NAALADL1: variants seen among roughly 807,000 people sequenced by gnomAD.
NAALADL1 encodes the protein N-acetylated alpha-linked acidic dipeptidase like 1.
In NAALADL1, 77 loss-of-function variants were observed where a neutral mutation model predicts 82.8. The ratio of observed to expected loss-of-function variants is 0.93; its 90% CI spans 0.77 to 1.12. NAALADL1 has a LOEUF of 1.12. NAALADL1 is among the 50% of genes most tolerant of loss of function. NAALADL1 has a pLI of 0.00. For synonymous variants in NAALADL1, 358 were observed against 399.2 expected, an observed-to-expected ratio of 0.90 and a Z score of 1.23; for missense variants, 956 against 964.0, an observed-to-expected ratio of 0.99 and a Z score of 0.11.
chr11:65,053,458 G>A lies in NAALADL1; in HGVS notation c.1078+33C>T. 3 of 1,613,218 alleles carry A rather than the reference G, an allele frequency of 1.9e-6. No individual in the cohort carries two copies. The highest frequency in any genetic ancestry group is 2.5e-6 in the Non-Finnish European group (3 of 1,179,412). ...CAGCGGCATCCAGAGCAGAGCAGGG[G>A]CCTGGGGTGCAGGCAGCAAGAGGAG... On this transcript the variant is annotated intron_variant, in intron 7 of 17. Coordinates refer to ENST00000358658, the MANE Select transcript of NAALADL1 (RefSeq NM_005468.3). The surrounding 1 kb of genome is among the most constrained non-coding windows in gnomAD (Gnocchi z 4.3).
rs1946980313 is a variant in NAALADL1 at position 65,054,486 on chromosome 11, T to C, written c.856A>G (p.Ile286Val). 3 of 1,613,942 alleles carry C rather than the reference T, an allele frequency of 1.9e-6. No homozygotes were observed. The highest frequency in any genetic ancestry group is 1.1e-5 in the South Asian group (1 of 91,068). The change falls in exon 5 of 18, where the codon ATT becomes GTT. Residue 286 changes from isoleucine to valine, a missense_variant. Coordinates refer to ENST00000358658, the MANE Select transcript of NAALADL1 (RefSeq NM_005468.3). This position sits in a 1 kb window ranked among gnomAD's most constrained non-coding sequence, Gnocchi z 4.3. ...AGGTCTCTTGCATCCTGGAAGCCAATGGGCTGTGTAGGAATTGGGGGAAAT... is the reference window on the plus strand; with the variant it reads ...AGGTCTCTTGCATCCTGGAAGCCAACGGGCTGTGTAGGAATTGGGGGAAAT... ...SGFPPIPTQP[I>V]GFQDARDLLC... is the part of the protein sequence containing the mutation.
chr11:65,057,352 C>A lies in NAALADL1; in HGVS notation c.603+19G>T, dbSNP rs372058347. ...CCCTTCCTCACCGAGGCCTCCTGCA[C>A]TGGGGGACTGCCACTCACCTTGGCC... On this transcript the variant is annotated intron_variant, in intron 4 of 17. Coordinates refer to ENST00000358658, the MANE Select transcript of NAALADL1 (RefSeq NM_005468.3). The A allele has an allele frequency of 1.1e-5, 17 of 1,596,814 alleles. No homozygotes were observed. The highest frequency in any genetic ancestry group is 1.3e-5 in the Non-Finnish European group (15 of 1,171,876).
chr11:65,050,725 G>A (rs1281100931), intron 8 of NAALADL1, among the ~76,000 whole-genome samples: 1 of 152,050 alleles, frequency 6.6e-6, no homozygotes, highest in Admixed American at 6.6e-5. Context: ...GGAGGGCAGA[G>A]GTTGCAGTGA....
At position 65,045,443 on chromosome 11, in the gene NAALADL1, G is replaced by A. The variant is rs1042937566; in HGVS notation, c.2051C>T (p.Ala684Val). ...EERYYSHVLW[A>V]PRTGSVVTFP... is the part of the protein sequence containing the mutation. Reference sequence around the variant, plus strand: ...TGTGACTACGGAGCCCGTGCGAGGTGCCCAGAGCACATGGCTGACAAGAGA... The same window carrying A: ...TGTGACTACGGAGCCCGTGCGAGGTACCCAGAGCACATGGCTGACAAGAGA... Residue 684 changes from alanine to valine, a missense_variant, in exon 18 of 18, where the codon GCA (alanine) becomes GTA (valine). Coordinates refer to ENST00000358658, the MANE Select transcript of NAALADL1 (RefSeq NM_005468.3). 6.2e-7 allele frequency: 1 copy of A among 1,607,138 alleles called. No homozygotes were observed.
chr11:65,047,368 G>C, intron 13 of NAALADL1, 107 bp downstream of exon 13: 1 of 887,834 alleles, frequency 1.1e-6, no homozygotes, highest in Non-Finnish European at 1.7e-6. Context: ...GGCAGAGGTA[G>C]CAATGAGTAA....
At chr11:65,046,629 G>A in intron 13 of NAALADL1, 103 bp from the exon 14 acceptor site, 4 of 1,171,188 alleles carry the variant, frequency 3.4e-6, no homozygotes, top group Non-Finnish European at 5.0e-6. Context: ...ACTGAATCTT[G>A]GCCATGTCTG....
chr11:65,057,729 G>T (rs1423530326), intron 3 of NAALADL1, 146 bp downstream of exon 3: 1 of 1,326,072 alleles, frequency 7.5e-7, no homozygotes, highest in Admixed American at 2.0e-5. Flanking sequence ...ATGGAGGAAA[G>T]GAGCAGCGAT....
chr11:65,051,551 C>T (rs1946889890), intron 8 of NAALADL1, among the ~76,000 whole-genome samples: 1 of 151,598 alleles, frequency 6.6e-6, no homozygotes, highest in African/African-American at 2.4e-5. Flanking sequence ...AGGTTGGTCT[C>T]GAACTCCTGG....
In NAALADL1 at chr11:65,053,494, G is replaced by C. The variant is rs774077588; in HGVS notation, c.1075C>G (p.Pro359Ala). 1.2e-6 allele frequency: 2 copies of C among 1,613,874 alleles called. No homozygotes were observed. The highest frequency in any genetic ancestry group is 4.5e-5 in the East Asian group (2 of 44,864). Reference protein sequence around the residue: ...VLGIIRGAVEPDRYVLYGNHR... With the variant: ...VLGIIRGAVEADRYVLYGNHR... ...AGGCAGCAAGAGGAGGGCTCACCAG[G>C]CTCCACAGCCCCACGGATGATGCCC... The change falls in exon 7 of 18, where the codon CCT becomes GCT. Residue 359 changes from proline (P) to alanine (A), a missense_variant. By Grantham distance (27) the Pro-to-Ala change is conservative (BLOSUM62 -1). Transcript: ENST00000358658. This position sits in a 1 kb window ranked among gnomAD's most constrained non-coding sequence, Gnocchi z 4.3.
chr11:65,054,757 G>A lies in NAALADL1; in HGVS notation c.604-19C>T, dbSNP rs764241906. On this transcript the variant is annotated intron_variant, in intron 4 of 17. Coordinates refer to ENST00000358658, the MANE Select transcript of NAALADL1 (RefSeq NM_005468.3). This position sits in a 1 kb window ranked among gnomAD's most constrained non-coding sequence, Gnocchi z 4.3. Reference sequence around the variant, plus strand: ...TCACAGCCTGCAGTGGGCAGAGGAGGCTGTGTGTAAGGGAGGGACCGGGAC... The same window carrying A: ...TCACAGCCTGCAGTGGGCAGAGGAGACTGTGTGTAAGGGAGGGACCGGGAC... 91 of 1,609,470 alleles carry A rather than the reference G, an allele frequency of 5.7e-5. No homozygotes were observed. The highest frequency in any genetic ancestry group is 7.0e-5 in the Non-Finnish European group (82 of 1,177,848).
chr11:65,060,957 C>A (rs573233620), upstream of NAALADL1, among the ~76,000 whole-genome samples: 4 of 152,282 alleles, frequency 2.6e-5, no homozygotes, highest in East Asian at 7.7e-4. Context: ...CTCCACCTGC[C>A]CCACACACTT....
In NAALADL1 at chr11:65,047,666, C is replaced by G; in HGVS notation, c.1489G>C (p.Val497Leu). The G allele has an allele frequency of 1.2e-6, 2 of 1,606,750 alleles. No individual in the cohort carries two copies. Among genetic ancestry groups the G allele is most frequent in the Non-Finnish European group, 1.7e-6 (2 of 1,177,482 alleles). ...WIRYFNRSSP[V>L]YGLVPSLGSL... ...GCTTACCTGGGGACCAGGCCGTACACCGGGCTGCTGCGGTTGAAGTACCGG... is the reference window on the plus strand; with the variant it reads ...GCTTACCTGGGGACCAGGCCGTACAGCGGGCTGCTGCGGTTGAAGTACCGG... Residue 497 changes from valine to leucine, a missense_variant, in exon 12 of 18, where the codon GTG (valine) becomes CTG (leucine). Transcript: ENST00000358658.
Position 65,053,607 on chromosome 11 carries a change from T to C in NAALADL1, c.993-31A>G, listed in dbSNP as rs1300327815. On this transcript the variant is annotated intron_variant, in intron 6 of 17. Coordinates refer to ENST00000358658, the MANE Select transcript of NAALADL1 (RefSeq NM_005468.3). This position sits in a 1 kb window ranked among gnomAD's most constrained non-coding sequence, Gnocchi z 4.3. Reference sequence around the variant, plus strand: ...GAGGGTGAAGGGTGTGAGAAGACTCTTGGCCTTGCCCACTGCCCCCGACCC... The same window carrying C: ...GAGGGTGAAGGGTGTGAGAAGACTCCTGGCCTTGCCCACTGCCCCCGACCC... 6.4e-7 allele frequency: 1 copy of C among 1,554,372 alleles called. No homozygotes were observed. The highest frequency in any genetic ancestry group is 8.7e-7 in the Non-Finnish European group (1 of 1,146,950).
chr11:65,049,327 G>A (rs566933554), intron 8 of NAALADL1, among the ~76,000 whole-genome samples: 40 of 152,186 alleles, frequency 2.6e-4, no homozygotes, highest in Non-Finnish European at 4.6e-4. Flanking sequence ...AGCAAATGAA[G>A]AATTTTTCAG....
chr11:65,046,619 A>C, intron 13 of NAALADL1, 93 bp from the exon 14 acceptor site: 87 of 1,257,742 alleles, frequency 6.9e-5, no homozygotes, highest in Non-Finnish European at 9.1e-5. Flanking sequence ...CATTATCTCC[A>C]CTGAATCTTG....
In NAALADL1 at chr11:65,054,173, A is replaced by G; in HGVS notation, c.992+77T>C. On this transcript the variant is annotated intron_variant, in intron 6 of 17. Coordinates refer to ENST00000358658, the MANE Select transcript of NAALADL1 (RefSeq NM_005468.3). The surrounding 1 kb of genome is among the most constrained non-coding windows in gnomAD (Gnocchi z 4.3). ...TCAGGCTTTGAAGTGGAAAGAGGGA[A>G]CATCATCACAAGGGAAGGGGAGAGG... 1 of 1,245,280 alleles carries G rather than the reference A, an allele frequency of 8.0e-7. No homozygotes were observed. Among genetic ancestry groups the G allele is most frequent in the South Asian group, 1.3e-5 (1 of 76,296 alleles). The allele number at this position is 1,245,280 out of a possible 1,614,324, so 77.1% of individuals were successfully genotyped here. A position where few individuals can be genotyped will look rare whatever the true frequency, so the allele number is the denominator to read the frequency against.
Position 65,054,584 on chromosome 11 carries a change from A to G in NAALADL1, c.758T>C (p.Phe253Ser). 1.2e-6 allele frequency: 2 copies of G among 1,613,784 alleles called. No homozygotes were observed. Among genetic ancestry groups the G allele is most frequent in the Non-Finnish European group, 1.7e-6 (2 of 1,179,804 alleles). Reference sequence around the variant, plus strand: ...AAGGTAGGGAGTCAGAGGGTCCCCAAAATACTCGTAGTAGGAGCCTCGCTC... The same window carrying G: ...AAGGTAGGGAGTCAGAGGGTCCCCAGAATACTCGTAGTAGGAGCCTCGCTC... ...GVERGSYYEY[F>S]GDPLTPYLPA... The change falls in exon 5 of 18, where the codon TTT becomes TCT. Residue 253 changes from phenylalanine (F) to serine (S), a missense_variant. Physicochemically the swap from Phe to Ser is radical, Grantham distance 155 (BLOSUM62 -2). Coordinates refer to ENST00000358658, the MANE Select transcript of NAALADL1 (RefSeq NM_005468.3). This position sits in a 1 kb window ranked among gnomAD's most constrained non-coding sequence, Gnocchi z 4.3.
In NAALADL1 at chr11:65,053,554, T is replaced by C. The variant is rs1946950405; in HGVS notation, c.1015A>G (p.Asn339Asp). 6.3e-7 allele frequency: 1 copy of C among 1,585,144 alleles called. No homozygotes were observed. Among genetic ancestry groups the C allele is most frequent in the Non-Finnish European group, 8.7e-7 (1 of 1,156,016 alleles). The change falls in exon 7 of 18, where the codon AAC becomes GAC. Residue 339 changes from asparagine to aspartate, a missense_variant. Coordinates refer to ENST00000358658, the MANE Select transcript of NAALADL1 (RefSeq NM_005468.3). This position sits in a 1 kb window ranked among gnomAD's most constrained non-coding sequence, Gnocchi z 4.3. ...GAAGAGTTCCTCAGCTCCAGGCGGT[T>C]GTAGACGCTCACATTCACCTGGCTG... ...ADSQVNVSVY[N>D]RLELRNSSNV... is the part of the protein sequence containing the mutation.
In NAALADL1 at chr11:65,057,460, C is replaced by T; in HGVS notation, c.514G>A (p.Glu172Lys). 1 of 1,614,168 alleles carries T rather than the reference C, an allele frequency of 6.2e-7. No homozygotes were observed. Residue 172 changes from glutamate to lysine, a missense_variant, in exon 4 of 18, where the codon GAA (glutamate) becomes AAA (lysine). Physicochemically the swap from Glu to Lys is moderately conservative, Grantham distance 56. Transcript: ENST00000358658. ...LLVYANRGAE[E>K]DFKELQTQGI... ...TGAGTCTGTAGCTCCTTAAAGTCTT[C>T]TTCCGCGCCCCGGTTGGCATAGACG...
Sources: gnomAD v4.1 joint callset for allele counts (sites outside exome capture counted in the v4.1 genomes callset) on GRCh38, gnomAD v4.1.1 for gene constraint, Gnocchi (gnomAD v3.1) non-coding constraint, MANE v1.5 for transcripts, NCBI Gene and HGNC (gene_info 2026-07-23, HGNC 2026-07-21) for gene names.